MR1: variants seen among roughly 807,000 people sequenced by gnomAD.
MR1 encodes major histocompatibility complex, class I-related, also known as major histocompatibility complex class I-related protein 1.
MR1 carries 44 observed loss-of-function variants against 37.8 expected under a neutral mutation model. That is an observed-to-expected ratio of 1.16 (90% CI 0.91 to 1.50). The LOEUF (loss-of-function observed/expected upper bound fraction) is 1.50. MR1 is among the 40% of genes most tolerant of loss of function. The probability of loss-of-function intolerance (pLI) is 0.00; values close to 1 mark genes in which losing one functional copy is unlikely to be tolerated. For missense variants in MR1, 386 were observed against 419.1 expected, an observed-to-expected ratio of 0.92 and a Z score of 0.69; for synonymous variants, 153 against 155.8, an observed-to-expected ratio of 0.98 and a Z score of 0.13.
intron 1 of MR1, among the ~76,000 whole-genome samples, chr1:181,048,238 T>TA (rs1210075406): frequency 1.2e-5 from 1 of 86,422 alleles, no homozygotes; most frequent in African/African-American, 5.5e-5. Flanking sequence ...TAAAATAAAA[T>TA]AAATAAATAA....
Position 181,061,424 on chromosome 1 carries a change from A to G in MR1, c.*6159A>G, listed in dbSNP as rs1340299067. On this transcript the variant is annotated 3_prime_UTR_variant, in exon 6 of 6. Transcript: ENST00000367580. ...ATCCTTGTGCAGGGCACAAGCCTACATGGTGGCTCTGGTCATATCATTAGA... is the reference window on the plus strand; with the variant it reads ...ATCCTTGTGCAGGGCACAAGCCTACGTGGTGGCTCTGGTCATATCATTAGA... The G allele has an allele frequency of 1.3e-5, 2 of 152,162 alleles. No individual in the cohort carries two copies. The highest frequency in any genetic ancestry group is 6.5e-5 in the Admixed American group (1 of 15,280). 9.4% of individuals were successfully genotyped at this position (152,162 alleles called of 1,614,324 possible).
chr1:181,033,484 T>A (rs1250487795), upstream of MR1: 1 of 152,420 alleles, frequency 6.6e-6, no homozygotes, highest in Non-Finnish European at 1.5e-5. Context: ...TTGAGCTTAT[T>A]GTGCTGGGTG....
rs1423826509 is a variant in MR1 at position 181,055,396 on chromosome 1, A to T, written c.*131A>T. ...ATACATGAGAGTAATGGGATTGAGC[A>T]TTTATGGCAGCAACAGAGGAGCCAC... On this transcript the variant is annotated 3_prime_UTR_variant, in exon 6 of 6. Coordinates refer to ENST00000367580, the MANE Select transcript of MR1 (RefSeq NM_001385161.1). The T allele has an allele frequency of 4.1e-5, 32 of 785,524 alleles. No individual in the cohort carries two copies. The East Asian group carries it at 8.2e-4, about 20-fold the overall frequency. The allele number at this position is 785,524 out of a possible 1,614,324, so 48.7% of individuals were successfully genotyped here. A position where few individuals can be genotyped will look rare whatever the true frequency, so the allele number is the denominator to read the frequency against.
At chr1:181,037,711 A>C (rs1657346221) in intron 1 of MR1, among the ~76,000 whole-genome samples, 1 of 152,240 alleles carries the variant, frequency 6.6e-6, no homozygotes, top group African/African-American at 2.4e-5. Context: ...AAGAGTATAC[A>C]TATTAAGTCA....
At chr1:181,054,492 AT>A (rs1329358117) in intron 5 of MR1, among the ~76,000 whole-genome samples, 1 of 152,220 alleles carries the variant, frequency 6.6e-6, no homozygotes, top group Admixed American at 6.5e-5. Context: ...CTCAACTCCA[AT>A]TCAGGTGATA....
chr1:181,035,229 C>T (rs1173719011), intron 1 of MR1, among the ~76,000 whole-genome samples: 4 of 151,836 alleles, frequency 2.6e-5, no homozygotes, highest in East Asian at 3.9e-4. Flanking sequence ...CCCAGCTACT[C>T]GGGAGACTGA....
At chr1:181,052,548 T>C in intron 4 of MR1, 38 bp downstream of exon 4, 1 of 1,593,766 alleles carries the variant, frequency 6.3e-7, no homozygotes, top group Non-Finnish European at 8.6e-7. Flanking sequence ...GGAGAGAGCC[T>C]GGAGAAAGGG....
At chr1:181,035,208 G>T (rs1397650578) in intron 1 of MR1, among the ~76,000 whole-genome samples, 2 of 151,832 alleles carry the variant, frequency 1.3e-5, no homozygotes, top group Admixed American at 6.6e-5. Context: ...TGCACAGTGC[G>T]CACCTGTGAT....
intron 1 of MR1, among the ~76,000 whole-genome samples, chr1:181,036,398 A>G (rs1180236123): frequency 2.0e-5 from 3 of 152,044 alleles, no homozygotes; most frequent in Non-Finnish European, 4.4e-5. Flanking sequence ...TCCTGCTAGG[A>G]CCCTAACTGA....
intron 1 of MR1, among the ~76,000 whole-genome samples, chr1:181,037,365 T>C (rs1657331234): frequency 6.6e-6 from 1 of 152,226 alleles, no homozygotes; most frequent in Non-Finnish European, 1.5e-5. Flanking sequence ...TCTGTTTCCA[T>C]GGAGCTGTTG....
chr1:181,048,874 C>A (rs199800391), intron 1 of MR1, among the ~76,000 whole-genome samples, 178 bp from the exon 2 acceptor site: 154 of 152,320 alleles, frequency 1.0e-3, no homozygotes, highest in East Asian at 2.3e-3. Context: ...GGAGCTCTTA[C>A]GTCCTGTCCA....
In MR1 at chr1:181,058,490, C is replaced by T. The variant is rs182771805; in HGVS notation, c.*3225C>T. On this transcript the variant is annotated 3_prime_UTR_variant, in exon 6 of 6. Transcript: ENST00000367580. ...GGTGAAAAATCCAACAAGACTCCAT[C>T]GAGAGTTTCTGAGCTCTCCCATCAG... The T allele has an allele frequency of 6.6e-6, 1 of 152,176 alleles. No individual in the cohort carries two copies. Among genetic ancestry groups the T allele is most frequent in the African/African-American group, 2.4e-5 (1 of 41,430 alleles). 9.4% of individuals were successfully genotyped at this position (152,176 alleles called of 1,614,324 possible). A position where few individuals can be genotyped will look rare whatever the true frequency, so the allele number is the denominator to read the frequency against.
intron 1 of MR1, among the ~76,000 whole-genome samples, chr1:181,041,515 C>T (rs888156999): frequency 3.3e-5 from 5 of 152,172 alleles, no homozygotes; most frequent in African/African-American, 4.8e-5. Context: ...GTCTGCTCTC[C>T]GTGGGGATTT....
chr1:181,055,203 C>T, intron 5 of MR1, 22 bp from the exon 6 acceptor site: 1 of 1,612,276 alleles, frequency 6.2e-7, no homozygotes, highest in African/African-American at 1.3e-5. Flanking sequence ...TGTAATCTGA[C>T]TAAAAACCCC....
Position 181,055,549 on chromosome 1 carries a change from G to A in MR1, c.*284G>A, listed in dbSNP as rs1658568904. 6.8e-6 allele frequency: 3 copies of A among 438,690 alleles called. No individual in the cohort carries two copies. The highest frequency in any genetic ancestry group is 5.8e-4 in the Middle Eastern group (1 of 1,726). The allele number at this position is 438,690 out of a possible 1,614,324, so 27.2% of individuals were successfully genotyped here. ...CACAACGCTTCCCTACATTCTATTTGTCAATGATGATTTGCAACTAGTTGG... is the reference window on the plus strand; with the variant it reads ...CACAACGCTTCCCTACATTCTATTTATCAATGATGATTTGCAACTAGTTGG... On this transcript the variant is annotated 3_prime_UTR_variant, in exon 6 of 6. Transcript: ENST00000367580.
Position 181,053,557 on chromosome 1 carries a change from A to G in MR1, c.881-16A>G. On this transcript the variant is annotated splice_polypyrimidine_tract_variant and intron_variant, in intron 4 of 5. Transcript: ENST00000367580. Reference sequence around the variant, plus strand: ...AAAGGGGACTTGTGGATTTTTTCTCATTTGCTTGCTTTCAGAATCAGAAAC... The same window carrying G: ...AAAGGGGACTTGTGGATTTTTTCTCGTTTGCTTGCTTTCAGAATCAGAAAC... 6.3e-7 allele frequency: 1 copy of G among 1,596,286 alleles called. No homozygotes were observed. The highest frequency in any genetic ancestry group is 2.2e-5 in the East Asian group (1 of 44,792).
At chr1:181,039,202 A>C (rs1472561685) in intron 1 of MR1, among the ~76,000 whole-genome samples, 1 of 152,246 alleles carries the variant, frequency 6.6e-6, no homozygotes, top group Non-Finnish European at 1.5e-5. Context: ...CAAGGGCTTA[A>C]AATGGTACCT....
At chr1:181,050,378 T>C (rs749631825) in intron 3 of MR1, 92 bp downstream of exon 3, 165 of 1,519,488 alleles carry the variant, frequency 1.1e-4, no homozygotes, top group Non-Finnish European at 1.4e-4. Context: ...CACTGTATCC[T>C]GAAAGCCATC....
chr1:181,033,973 GT>G, upstream of MR1: 3 of 1,595,992 alleles, frequency 1.9e-6, no homozygotes, highest in Admixed American at 1.8e-5. Flanking sequence ...GGACCTGTCA[GT>G]TTTTGGTTAA....
Sources: gnomAD v4.1 joint callset for allele counts (sites outside exome capture counted in the v4.1 genomes callset) on GRCh38, gnomAD v4.1.1 for gene constraint, MANE v1.5 for transcripts, NCBI Gene and HGNC (gene_info 2026-07-23, HGNC 2026-07-21) for gene names.